Variants in HHAT observed in about 807,000 individuals in gnomAD.
HHAT encodes the protein hedgehog acyltransferase.
Under a neutral mutation model 70.8 loss-of-function variants are expected in HHAT, and 47 were observed. The ratio of observed to expected loss-of-function variants is 0.66; its 90% CI spans 0.53 to 0.85. The LOEUF is 0.85. HHAT is among the 40% of genes least tolerant of loss of function. The pLI is 0.00. For missense variants in HHAT, 609 were observed against 604.8 expected (o/e 1.01, Z -0.07); for synonymous variants, 228 against 247.6 (o/e 0.92, Z 0.74).
In HHAT at chr1:210,676,175, T is replaced by C. The variant is rs527872590; in HGVS notation, c.*1796T>C. 4.6e-5 allele frequency: 7 copies of C among 152,224 alleles called. No individual in the cohort carries two copies. The highest frequency in any genetic ancestry group is 1.0e-4 in the Non-Finnish European group (7 of 68,044). The allele number at this position is 152,224 out of a possible 1,614,324, so 9.4% of individuals were successfully genotyped here. A position where few individuals can be genotyped will look rare whatever the true frequency, so the allele number is the denominator to read the frequency against. On this transcript the variant is annotated 3_prime_UTR_variant, in exon 12 of 12. Coordinates refer to ENST00000261458, the MANE Select transcript of HHAT (RefSeq NM_018194.6). ...CAAACAAATAGGTTTATTCATTCATTAAACTACTTTGGAAGCGTCAGTGGA... is the reference window on the plus strand; with the variant it reads ...CAAACAAATAGGTTTATTCATTCATCAAACTACTTTGGAAGCGTCAGTGGA...
chr1:210,634,325 T>C (rs1242677032), intron 11 of HHAT, among the ~76,000 whole-genome samples: 1 of 152,188 alleles, frequency 6.6e-6, no homozygotes, highest in Non-Finnish European at 1.5e-5. Context: ...TGGGTAAACC[T>C]GATTTCCGTT....
At chr1:210,390,874 C>T (rs2091415606) in intron 4 of HHAT, among the ~76,000 whole-genome samples, 2 of 152,190 alleles carry the variant, frequency 1.3e-5, no homozygotes, top group South Asian at 4.1e-4. Context: ...TGTATATATA[C>T]CACATTATCT....
chr1:210,515,670 A>G (rs550330002), intron 9 of HHAT, among the ~76,000 whole-genome samples: 1 of 148,984 alleles, frequency 6.7e-6, no homozygotes, highest in East Asian at 2.0e-4. Context: ...AGGCAGGAGA[A>G]TGGCATGAAC....
intron 1 of HHAT, among the ~76,000 whole-genome samples, chr1:210,344,971 C>T (rs1249531129): frequency 1.3e-5 from 2 of 152,136 alleles, no homozygotes; most frequent in Non-Finnish European, 2.9e-5. Flanking sequence ...ACTTGCTTCC[C>T]CTTCTTAAAC....
chr1:210,578,384 T>C (rs1658397989), intron 9 of HHAT, among the ~76,000 whole-genome samples: 1 of 152,090 alleles, frequency 6.6e-6, no homozygotes. Flanking sequence ...CTCTTGTACA[T>C]TGTTGGTACA....
intron 2 of HHAT, among the ~76,000 whole-genome samples, chr1:210,361,877 A>G (rs371060110): frequency 2.0e-5 from 3 of 152,126 alleles, no homozygotes; most frequent in African/African-American, 4.8e-5. Context: ...AGGACATCGC[A>G]CAGACCTCAG....
Position 210,432,151 on chromosome 1 carries a change from A to G in HHAT, c.856+13826A>G, listed in dbSNP as rs954648761. ...TTTCCCAGGGATGCGACTGGAGCTC[A>G]GGAGTGAGATTGGCAATGGAGACAG... On this transcript the variant is annotated intron_variant, in intron 7 of 11. Coordinates refer to ENST00000261458, the MANE Select transcript of HHAT (RefSeq NM_018194.6). Among the ~76,000 whole-genome samples, 5 of 151,836 alleles carry G rather than the reference A, an allele frequency of 3.3e-5. 1 individual carries two copies. The highest frequency in any genetic ancestry group is 1.2e-4 in the African/African-American group (5 of 41,128).
chr1:210,535,456 G>GTGTGTGTGTGTGTGTGTGTGT (rs1394781594), intron 9 of HHAT, among the ~76,000 whole-genome samples: 30 of 140,226 alleles, frequency 2.1e-4, no homozygotes, highest in African/African-American at 6.3e-4. Context: ...TGTGTGTGTG[G>GTGTGTGTGTGTGTGTGTGTGT]GGTAAAATAA....
At chr1:210,564,800 G>C (rs1024988120) in intron 9 of HHAT, among the ~76,000 whole-genome samples, 9 of 151,572 alleles carry the variant, frequency 5.9e-5, no homozygotes, top group African/African-American at 2.2e-4. Context: ...CTTGACAAAA[G>C]CTGATGGAAT....
intron 7 of HHAT, among the ~76,000 whole-genome samples, chr1:210,438,180 G>A (rs561332543): frequency 1.3e-5 from 2 of 151,784 alleles, no homozygotes; most frequent in East Asian, 3.9e-4. Context: ...GTGTTTGTGT[G>A]TGTGTGTGTG....
At chr1:210,374,175 T>C (rs944544043) in intron 3 of HHAT, 2 of 152,208 alleles carry the variant, frequency 1.3e-5, no homozygotes, top group Non-Finnish European at 2.9e-5. Flanking sequence ...GGGCAAGGCT[T>C]ACAAAAAATT....
chr1:210,436,772 T>G lies in HHAT; in HGVS notation c.856+18447T>G, dbSNP rs551535322. Among the ~76,000 whole-genome samples the G allele has an allele frequency of 3.9e-5, 6 of 151,912 alleles. No homozygotes were observed. In the South Asian group the frequency reaches 1.2e-3, roughly 32 times the overall value. Reference sequence around the variant, plus strand: ...TCATTTATATTCCTCCTGCCTCCATTGTGTAGGAGTAACTCAATTTCCCTT... The same window carrying G: ...TCATTTATATTCCTCCTGCCTCCATGGTGTAGGAGTAACTCAATTTCCCTT... On this transcript the variant is annotated intron_variant, in intron 7 of 11. Transcript: ENST00000261458.
intron 11 of HHAT, among the ~76,000 whole-genome samples, chr1:210,643,686 G>T (rs371633314): frequency 2.6e-5 from 4 of 151,706 alleles, no homozygotes. Flanking sequence ...TGGCATTTGC[G>T]TTGTCTTTCA....
chr1:210,369,080 A>G (rs2089297929), intron 3 of HHAT, among the ~76,000 whole-genome samples: 1 of 152,028 alleles, frequency 6.6e-6, no homozygotes, highest in African/African-American at 2.4e-5. Context: ...CTCTGTCTCA[A>G]AAAAAAGAAA....
intron 11 of HHAT, chr1:210,631,005 T>G: frequency 2.2e-6 from 1 of 449,778 alleles, no homozygotes; most frequent in Non-Finnish European, 4.4e-6. Context: ...AGGAGGTTTA[T>G]TTTTATTTTT....
intron 10 of HHAT, among the ~76,000 whole-genome samples, chr1:210,606,869 T>C (rs901700186): frequency 7.9e-5 from 12 of 152,364 alleles, no homozygotes; most frequent in African/African-American, 2.6e-4. Flanking sequence ...TTTTAGCTTT[T>C]CTGTTGAGAA....
chr1:210,547,399 G>A (rs1369259222), intron 9 of HHAT, among the ~76,000 whole-genome samples: 1 of 152,064 alleles, frequency 6.6e-6, no homozygotes, highest in Admixed American at 6.6e-5. Context: ...AGAAATTTAA[G>A]TTGGTTCTCC....
At chr1:210,551,276 G>A (rs972783799) in intron 9 of HHAT, among the ~76,000 whole-genome samples, 4 of 148,722 alleles carry the variant, frequency 2.7e-5, no homozygotes, top group African/African-American at 1.0e-4. Context: ...ATGTCCCAGC[G>A]GCGAGCAAAA....
chr1:210,661,131 A>T (rs534644282), intron 11 of HHAT, among the ~76,000 whole-genome samples: 1 of 152,348 alleles, frequency 6.6e-6, no homozygotes, highest in East Asian at 1.9e-4. Flanking sequence ...TGAACAGGCA[A>T]CCTACAGAAT....
Sources: gnomAD v4.1 joint callset for allele counts (sites outside exome capture counted in the v4.1 genomes callset) on GRCh38, gnomAD v4.1.1 for gene constraint, MANE v1.5 for transcripts, NCBI Gene and HGNC (gene_info 2026-07-23, HGNC 2026-07-21) for gene names.